Variants in NAALADL2 observed in about 807,000 individuals in gnomAD.
The protein encoded by NAALADL2 is inactive N-acetylated-alpha-linked acidic dipeptidase-like protein 2.
NAALADL2 carries 76 observed loss-of-function variants against 87.2 expected under a neutral mutation model. The ratio of observed to expected loss-of-function variants is 0.87; its 90% CI spans 0.72 to 1.05. The LOEUF is 1.05. NAALADL2 is among the 50% of genes least tolerant of loss of function. The probability of loss-of-function intolerance (pLI) is 0.00; values close to 1 mark genes in which losing one functional copy is unlikely to be tolerated. For missense variants in NAALADL2, 1,089 were observed against 945.8 expected, an observed-to-expected ratio of 1.15 and a Z score of -1.99; for synonymous variants, 354 against 331.0, an observed-to-expected ratio of 1.07 and a Z score of -0.75.
At chr3:174,857,685 A>C (rs1407430210), upstream of NAALADL2, among the ~76,000 whole-genome samples, 2 of 152,092 alleles carry the variant, frequency 1.3e-5, no homozygotes, top group African/African-American at 4.8e-5. Flanking sequence ...ATATATATAT[A>C]TTACAGTATG....
chr3:175,521,902 G>A (rs536609206), intron 9 of NAALADL2, among the ~76,000 whole-genome samples: 11 of 152,170 alleles, frequency 7.2e-5, no homozygotes, highest in East Asian at 1.9e-4. Context: ...AAATAAATAC[G>A]GAAGAAAATT....
chr3:174,912,659 C>G (rs1342675905), intron 1 of NAALADL2, among the ~76,000 whole-genome samples: 1 of 151,948 alleles, frequency 6.6e-6, no homozygotes, highest in Non-Finnish European at 1.5e-5. Flanking sequence ...TTCAATGTTC[C>G]TAAGAATGAA....
At chr3:174,573,449 A>G (rs1421606251) in intron 2 of NAALADL2, among the ~76,000 whole-genome samples, 9 of 152,114 alleles carry the variant, frequency 5.9e-5, no homozygotes, top group Non-Finnish European at 1.5e-5. Flanking sequence ...TGCTGATCGC[A>G]TGGTGTAAAT....
At chr3:175,466,630 C>T (rs73884421) in intron 7 of NAALADL2, among the ~76,000 whole-genome samples, 6,640 of 152,150 alleles carry the variant, frequency 0.044, 351 homozygotes, top group East Asian at 0.14. Flanking sequence ...ATTTACTGAG[C>T]ATGCATACAT....
At position 174,625,359 on chromosome 3, in the gene NAALADL2, A is replaced by G. The variant is rs141205241; in HGVS notation, c.-115+74722A>G. On this transcript the variant is annotated intron_variant, in intron 2 of 3. Transcript: ENST00000434257. ...AGCCATAAGCCACCACGCCTGGCCT[A>G]TAAGTTTATTTGATGTAATGGCTGT... Among the ~76,000 whole-genome samples the G allele has an allele frequency of 3.9e-3, 597 of 152,132 alleles. 2 individuals carry two copies. Among genetic ancestry groups the G allele is most frequent in the African/African-American group, 0.012 (485 of 41,536 alleles).
chr3:175,344,127 T>C (rs1378557932), intron 5 of NAALADL2, among the ~76,000 whole-genome samples: 1 of 152,124 alleles, frequency 6.6e-6, no homozygotes, highest in African/African-American at 2.4e-5. Context: ...AGAAGAATTC[T>C]ACTAGCGGTG....
chr3:175,119,061 T>G (rs866659612), intron 2 of NAALADL2, among the ~76,000 whole-genome samples: 1,078 of 29,878 alleles, frequency 0.036, 12 homozygotes, highest in African/African-American at 0.17. Flanking sequence ...ATTTATACGT[T>G]TTTTTTTTTC....
upstream of NAALADL2, among the ~76,000 whole-genome samples, chr3:174,856,704 AAAGTTTTGAGT>A (rs1289132038): frequency 1.1e-4 from 17 of 152,136 alleles, no homozygotes; most frequent in African/African-American, 4.1e-4. Context: ...TGAAAAGATG[AAAGTTTTGAGT>A]TAATTAGGAA....
At chr3:175,313,400 A>G (rs528493231) in intron 4 of NAALADL2, among the ~76,000 whole-genome samples, 2 of 152,204 alleles carry the variant, frequency 1.3e-5, no homozygotes, top group Admixed American at 1.3e-4. Flanking sequence ...TTTTCTAGCT[A>G]TAGAGGCCAG....
At chr3:174,857,275 G>GTGCA (rs1300549865), upstream of NAALADL2, among the ~76,000 whole-genome samples, 1 of 152,110 alleles carries the variant, frequency 6.6e-6, no homozygotes, top group Non-Finnish European at 1.5e-5. Flanking sequence ...GAAAATATGT[G>GTGCA]TGCACATGGC....
chr3:174,960,723 T>TA (rs1056712717), intron 1 of NAALADL2, among the ~76,000 whole-genome samples: 21 of 152,086 alleles, frequency 1.4e-4, no homozygotes, highest in Non-Finnish European at 2.8e-4. Flanking sequence ...CTACTTTTTC[T>TA]AAAATACTTA....
chr3:174,834,256 G>A (rs1284280566), intron 3 of NAALADL2, among the ~76,000 whole-genome samples: 1 of 146,552 alleles, frequency 6.8e-6, no homozygotes, highest in Non-Finnish European at 1.5e-5. Context: ...AAAATTTAAT[G>A]CCCATTTATC....
chr3:174,894,043 C>T (rs1307705104), intron 1 of NAALADL2, among the ~76,000 whole-genome samples: 1 of 151,818 alleles, frequency 6.6e-6, no homozygotes, highest in Non-Finnish European at 1.5e-5. Flanking sequence ...ACCAAAAAGA[C>T]CAGGAGTCAC....
intron 5 of NAALADL2, among the ~76,000 whole-genome samples, chr3:175,420,271 G>A (rs114006897): frequency 2.1e-4 from 32 of 152,046 alleles, no homozygotes; most frequent in African/African-American, 7.2e-4. Context: ...GTTTAGATTG[G>A]CACTTTCATC....
At chr3:175,037,233 C>A (rs927105352) in intron 1 of NAALADL2, among the ~76,000 whole-genome samples, 8 of 152,148 alleles carry the variant, frequency 5.3e-5, no homozygotes, top group Non-Finnish European at 7.3e-5. Context: ...ATGAAAGGCA[C>A]TGGTGATATG....
intron 9 of NAALADL2, among the ~76,000 whole-genome samples, chr3:175,535,218 A>G (rs1734651388): frequency 6.6e-6 from 1 of 152,216 alleles, no homozygotes; most frequent in Non-Finnish European, 1.5e-5. Flanking sequence ...TTAGGTTACA[A>G]AAGCAGAGAC....
At chr3:175,691,244 A>G (rs1272991954) in intron 11 of NAALADL2, among the ~76,000 whole-genome samples, 1 of 150,810 alleles carries the variant, frequency 6.6e-6, no homozygotes, top group Non-Finnish European at 1.5e-5. Context: ...GTGTGTATAT[A>G]TACACACAGA....
chr3:174,994,048 T>C (rs1010094648), intron 1 of NAALADL2, among the ~76,000 whole-genome samples: 3 of 152,186 alleles, frequency 2.0e-5, no homozygotes, highest in Admixed American at 6.5e-5. Context: ...CATCTTAACT[T>C]GCTTGCATCT....
At chr3:175,048,016 A>T (rs1385070010) in intron 1 of NAALADL2, among the ~76,000 whole-genome samples, 1 of 152,200 alleles carries the variant, frequency 6.6e-6, no homozygotes, top group Non-Finnish European at 1.5e-5. Flanking sequence ...CTTCATTAAG[A>T]TAATGTGACC....
Sources: gnomAD v4.1 joint callset for allele counts (sites outside exome capture counted in the v4.1 genomes callset) on GRCh38, gnomAD v4.1.1 for gene constraint, MANE v1.5 for transcripts, NCBI Gene and HGNC (gene_info 2026-07-23, HGNC 2026-07-21) for gene names.